Variants in ABHD1 observed in about 807,000 individuals in gnomAD.
ABHD1 encodes the protein protein ABHD1.
Under a neutral mutation model 41.4 loss-of-function variants are expected in ABHD1, and 47 were observed. The observed-to-expected ratio is 1.13, with a 90% confidence interval of 0.90 to 1.45. The LOEUF (loss-of-function observed/expected upper bound fraction) is 1.45, where lower values mean the gene tolerates loss of function less well. ABHD1 is among the 40% of genes most tolerant of loss of function. ABHD1 has a pLI of 0.00. For synonymous variants in ABHD1, 205 were observed against 203.7 expected (o/e 1.01, Z -0.05); for missense variants, 550 against 503.4 (o/e 1.09, Z -0.89).
Position 27,130,270 on chromosome 2 carries a change from T to A in ABHD1, c.860T>A (p.Phe287Tyr), listed in dbSNP as rs1229942788. The A allele has an allele frequency of 1.9e-6, 3 of 1,614,212 alleles. No homozygotes were observed. The East Asian group carries it at 6.7e-5, about 36-fold the overall frequency. Residue 287 changes from phenylalanine (F) to tyrosine (Y), a missense_variant, in exon 8 of 9, where the codon TTT becomes TAT. By Grantham distance (22) the Phe-to-Tyr change is conservative. Coordinates refer to ENST00000316470, the MANE Select transcript of ABHD1 (RefSeq NM_032604.4). ...FVLQARTIRQ[F>Y]DERYTSVAFG... ...CTGCAGGCCCGTACAATCCGCCAGTTTGATGAGCGCTACACATCTGTGGCC... is the reference window on the plus strand; with the variant it reads ...CTGCAGGCCCGTACAATCCGCCAGTATGATGAGCGCTACACATCTGTGGCC...
intron 2 of ABHD1, 59 bp downstream of exon 2, chr2:27,128,660 C>T (rs1020049451): frequency 1.3e-6 from 2 of 1,594,232 alleles, no homozygotes; most frequent in Admixed American, 1.7e-5. Context: ...AAAAACCTAT[C>T]TACCACTTTT....
chr2:27,130,434 G>A lies in ABHD1; in HGVS notation c.1006+18G>A. ...CGTCTGTGGTGAGTACTCTGATTCA[G>A]GACACTTTGGCCCCAAGGAAAATGG... On this transcript the variant is annotated intron_variant, in intron 8 of 8. Transcript: ENST00000316470. 6.2e-7 allele frequency: 1 copy of A among 1,613,916 alleles called. No individual in the cohort carries two copies. Among genetic ancestry groups the A allele is most frequent in the Non-Finnish European group, 8.5e-7 (1 of 1,179,790 alleles).
At chr2:27,128,323 AAGC>A in intron 1 of ABHD1, 115 bp from the exon 2 acceptor site, 1 of 1,248,688 alleles carries the variant, frequency 8.0e-7, no homozygotes, top group Non-Finnish European at 1.2e-6. Context: ...CATGCAGACA[AAGC>A]AGGGTCCTCC....
Position 27,124,047 on chromosome 2 carries a change from G to A in ABHD1, c.99G>A (p.Trp33Ter), listed in dbSNP as rs1316982491. ...LAVALYLGYY[W>*]ACVLQRPRLV... is the part of the protein sequence containing the mutation. ...TTGCCCTCTACTTGGGCTACTACTG[G>A]GCATGTGTGCTTCAGGTGGGTGCGG... Residue 33 changes from tryptophan to a stop codon, truncating the protein, a stop_gained, in exon 1 of 9, where the codon TGG becomes TGA. Coordinates refer to ENST00000316470, the MANE Select transcript of ABHD1 (RefSeq NM_032604.4). LOFTEE classifies it high-confidence loss of function. The A allele has an allele frequency of 3.7e-6, 6 of 1,614,066 alleles. No homozygotes were observed. Among genetic ancestry groups the A allele is most frequent in the South Asian group, 3.3e-5 (3 of 91,090 alleles).
At position 27,129,580 on chromosome 2, in the gene ABHD1, C is replaced by T. The variant is rs138157315; in HGVS notation, c.571C>T (p.Arg191Cys). 1.2e-5 allele frequency: 19 copies of T among 1,613,834 alleles called. No homozygotes were observed. Among genetic ancestry groups the T allele is most frequent in the Non-Finnish European group, 1.6e-5 (19 of 1,180,058 alleles). The change falls in exon 5 of 9, where the codon CGT becomes TGT. Residue 191 changes from arginine (R) to cysteine (C), a missense_variant. Coordinates refer to ENST00000316470, the MANE Select transcript of ABHD1 (RefSeq NM_032604.4). ...LETVVNHIKH[R>C]YPQAPLLAVG... ...GACAGTCGTGAACCACATAAAGCAT[C>T]GTTATCCCCAAGCTCCACTGCTGGC...
In ABHD1 at chr2:27,128,429, G is replaced by A. The variant is rs777575313; in HGVS notation, c.115-12G>A. 2 of 1,613,838 alleles carry A rather than the reference G, an allele frequency of 1.2e-6. No homozygotes were observed. Among genetic ancestry groups the A allele is most frequent in the South Asian group, 2.2e-5 (2 of 91,076 alleles). On this transcript the variant is annotated splice_polypyrimidine_tract_variant and intron_variant, in intron 1 of 8. Transcript: ENST00000316470. ...AGTCAGGGAAGTGGGGCAGACTGCTGTGTGATTACAGAGGCCTCGGCTGGT... is the reference window on the plus strand; with the variant it reads ...AGTCAGGGAAGTGGGGCAGACTGCTATGTGATTACAGAGGCCTCGGCTGGT...
At position 27,129,767 on chromosome 2, in the gene ABHD1, A is replaced by G. The variant is rs1247521120; in HGVS notation, c.631A>G (p.Asn211Asp). The change falls in exon 6 of 9, where the codon AAT (asparagine) becomes GAT (aspartate). Residue 211 changes from asparagine (N) to aspartate (D), a missense_variant. By Grantham distance (23) the Asn-to-Asp change is conservative. Coordinates refer to ENST00000316470, the MANE Select transcript of ABHD1 (RefSeq NM_032604.4). ...CCAATTCCACAGGATACTGGTGCTG[A>G]ATCACCTGGCACAGGCCAGGCAGGC... The part of the protein sequence containing the change: ...GISFGGILVL[N>D]HLAQARQAAG... 3 of 1,614,150 alleles carry G rather than the reference A, an allele frequency of 1.9e-6. No homozygotes were observed. The highest frequency in any genetic ancestry group is 2.5e-6 in the Non-Finnish European group (3 of 1,180,038).
rs1405226177 is a variant in ABHD1 at position 27,130,108 on chromosome 2, CAGAA to C, written c.798_801del (p.Lys267Ter). 2 of 1,614,176 alleles carry C rather than the reference CAGAA, an allele frequency of 1.2e-6. No individual in the cohort carries two copies. Among genetic ancestry groups the C allele is most frequent in the Non-Finnish European group, 1.7e-6 (2 of 1,180,036 alleles). The stretch of plus-strand genomic sequence containing the variant: ...AAACTCTTATGTACTTTTGCAGAAA[CAGAA>C]AGGTGATTGAAAAGGTGGTGGACAT... On this transcript the variant is annotated frameshift_variant, in exon 7 of 9. Transcript: ENST00000316470. LOFTEE classifies it high-confidence loss of function.
chr2:27,129,245 G>C, intron 3 of ABHD1, 71 bp from the exon 4 acceptor site: 1 of 1,604,566 alleles, frequency 6.2e-7, no homozygotes, highest in Non-Finnish European at 8.5e-7. Context: ...TTGGACAGGG[G>C]TCTTTCTGAA....
Position 27,128,956 on chromosome 2 carries a change from A to G in ABHD1, c.287A>G (p.Gln96Arg), listed in dbSNP as rs762828540. The G allele has an allele frequency of 1.1e-5, 18 of 1,613,226 alleles. No individual in the cohort carries two copies. In the Admixed American group the frequency reaches 3.0e-4, roughly 27 times the overall value. The change falls in exon 3 of 9, where the codon CAA (glutamine) becomes CGA (arginine). Residue 96 changes from glutamine to arginine, a missense_variant. Gln to Arg is a conservative substitution (Grantham distance 43). Coordinates refer to ENST00000316470, the MANE Select transcript of ABHD1 (RefSeq NM_032604.4). ...TCCTCCAAAACCAGTGACATCCTCCAAACACCAGATGGAGGCCAGCTCCTG... is the reference window on the plus strand; with the variant it reads ...TCCTCCAAAACCAGTGACATCCTCCGAACACCAGATGGAGGCCAGCTCCTG... Reference protein sequence around the residue: ...PLVLYQSDILQTPDGGQLLLD... With the variant: ...PLVLYQSDILRTPDGGQLLLD...
At chr2:27,124,876 C>T (rs923242600) in intron 1 of ABHD1, 1 of 152,804 alleles carries the variant, frequency 6.5e-6, no homozygotes, top group Non-Finnish European at 1.5e-5. Context: ...TGTGGTGGCT[C>T]ACGCCTGTAA....
In ABHD1 at chr2:27,123,847, C is replaced by A. The variant is rs1473743419; in HGVS notation, c.-102C>A. ...CAAACTGCCTGCAGCGGGGACCGGA[C>A]CTGCACAGGCCGCCTATGGCGGGCG... On this transcript the variant is annotated 5_prime_UTR_variant, in exon 1 of 9. Transcript: ENST00000316470. 8.0e-6 allele frequency: 8 copies of A among 1,004,422 alleles called. No individual in the cohort carries two copies. The highest frequency in any genetic ancestry group is 2.4e-5 in the East Asian group (1 of 40,836). The allele number at this position is 1,004,422 out of a possible 1,614,324, so 62.2% of individuals were successfully genotyped here. A position where few individuals can be genotyped will look rare whatever the true frequency, so the allele number is the denominator to read the frequency against.
rs796690751 is a variant in ABHD1 at position 27,127,478 on chromosome 2, C to T, written c.115-963C>T. On this transcript the variant is annotated intron_variant, in intron 1 of 8. Coordinates refer to ENST00000316470, the MANE Select transcript of ABHD1 (RefSeq NM_032604.4). ...CTGAGGCAGGAGAATGGCGTGAACCCGGGAGGTGGAGCTTGCAGTGAGCCG... is the reference window on the plus strand; with the variant it reads ...CTGAGGCAGGAGAATGGCGTGAACCTGGGAGGTGGAGCTTGCAGTGAGCCG... 1.7e-3 allele frequency among the ~76,000 whole-genome samples: 211 copies of T among 125,782 alleles called. 1 individual carries two copies. The highest frequency in any genetic ancestry group is 6.1e-3 in the African/African-American group (194 of 31,868). The allele number at this position is 125,782 out of a possible 152,430, so 82.5% of individuals were successfully genotyped here.
In ABHD1 at chr2:27,129,835, T is replaced by C; in HGVS notation, c.699T>C (p.Asp233=). The C allele has an allele frequency of 1.2e-6, 2 of 1,614,198 alleles. No individual in the cohort carries two copies. The highest frequency in any genetic ancestry group is 1.7e-6 in the Non-Finnish European group (2 of 1,180,044). The change falls in exon 6 of 9, where the codon GAT becomes GAC. Residue 233 remains aspartate, a synonymous_variant. Coordinates refer to ENST00000316470, the MANE Select transcript of ABHD1 (RefSeq NM_032604.4). ...CACTGACTCTGTCTGCATGCTGGGATTCCTTTGAGACCACTCGCTCCCTGG... is the reference window on the plus strand; with the variant it reads ...CACTGACTCTGTCTGCATGCTGGGACTCCTTTGAGACCACTCGCTCCCTGG... The part of the protein sequence containing the change: ...VAALTLSACW[D]SFETTRSLET...
intron 1 of ABHD1, 170 bp downstream of exon 1, chr2:27,124,232 T>C: frequency 2.8e-6 from 2 of 714,590 alleles, no homozygotes; most frequent in Admixed American, 4.0e-5. Context: ...CTGCATCCCA[T>C]GTGATCCCCA....
chr2:27,128,439 A>G lies in ABHD1; in HGVS notation c.115-2A>G, dbSNP rs1558473913. 6.2e-7 allele frequency: 1 copy of G among 1,613,994 alleles called. No homozygotes were observed. Among genetic ancestry groups the G allele is most frequent in the South Asian group, 1.1e-5 (1 of 91,084 alleles). ...GTGGGGCAGACTGCTGTGTGATTAC[A>G]GAGGCCTCGGCTGGTGGCTGGGCCG... On this transcript the variant is annotated splice_acceptor_variant, in intron 1 of 8. Transcript: ENST00000316470. LOFTEE classifies it high-confidence loss of function.
chr2:27,129,672 T>C, intron 5 of ABHD1, 46 bp downstream of exon 5: 2 of 1,609,850 alleles, frequency 1.2e-6, no homozygotes, highest in Non-Finnish European at 1.7e-6. Flanking sequence ...CTTCCTTTTT[T>C]TCCTCCTCCA....
intron 1 of ABHD1, among the ~76,000 whole-genome samples, chr2:27,127,809 C>G (rs1035975626): frequency 1.1e-4 from 16 of 152,092 alleles, no homozygotes; most frequent in Middle Eastern, 3.4e-3. Context: ...ATCCACCCAC[C>G]TCGGCCTCCC....
Position 27,130,780 on chromosome 2 carries a change from C to T in ABHD1, c.*36C>T, listed in dbSNP as rs1387707634. On this transcript the variant is annotated 3_prime_UTR_variant, in exon 9 of 9. Coordinates refer to ENST00000316470, the MANE Select transcript of ABHD1 (RefSeq NM_032604.4). ...ATTTGGGGTCTCAGTTCACTCTTTC[C>T]TTGTTTATTAAATATCAACTTTTCC... 11 of 1,596,840 alleles carry T rather than the reference C, an allele frequency of 6.9e-6. No homozygotes were observed. The highest frequency in any genetic ancestry group is 9.4e-6 in the Non-Finnish European group (11 of 1,165,442).
Sources: gnomAD v4.1 joint callset for allele counts (sites outside exome capture counted in the v4.1 genomes callset) on GRCh38, gnomAD v4.1.1 for gene constraint, MANE v1.5 for transcripts, NCBI Gene and HGNC (gene_info 2026-07-23, HGNC 2026-07-21) for gene names.